The following SLIT3 variants were observed in gnomAD, a reference collection of about 807,000 sequenced individuals.
SLIT3 encodes the protein slit guidance ligand 3.
In SLIT3, 68 loss-of-function variants were observed where a neutral mutation model predicts 184.0. The observed-to-expected ratio is 0.37, with a 90% CI of 0.30 to 0.45. The LOEUF is 0.45. SLIT3 is among the 20% of genes least tolerant of loss of function. The probability of loss-of-function intolerance (pLI) is 1.00; values close to 1 mark genes in which losing one functional copy is unlikely to be tolerated. For synonymous variants in SLIT3, 831 were observed against 828.6 expected (o/e 1.00, Z -0.05); for missense variants, 1,707 against 2,026.0 (o/e 0.84, Z 3.02).
intron 4 of SLIT3, among the ~76,000 whole-genome samples, chr5:169,134,767 T>G (rs769494195): frequency 3.9e-5 from 6 of 152,194 alleles, no homozygotes; most frequent in Non-Finnish European, 8.8e-5. Flanking sequence ...ATAAAAAAAG[T>G]AGGCCCTGAC....
chr5:169,182,076 G>A (rs919295482), intron 4 of SLIT3, among the ~76,000 whole-genome samples: 4 of 152,166 alleles, frequency 2.6e-5, no homozygotes, highest in Admixed American at 6.5e-5. Context: ...TTGGCCAACC[G>A]TGGGGAGAGT....
intron 4 of SLIT3, among the ~76,000 whole-genome samples, chr5:168,969,908 G>A (rs1214255291): frequency 2.6e-5 from 4 of 152,216 alleles, no homozygotes; most frequent in African/African-American, 7.2e-5. Context: ...AAGGCTGGGC[G>A]CAGTGGCTCC....
At chr5:168,793,602 A>G (rs114528881) in intron 10 of SLIT3, among the ~76,000 whole-genome samples, 1 of 152,246 alleles carries the variant, frequency 6.6e-6, no homozygotes, top group Admixed American at 6.5e-5. Flanking sequence ...TTTTGAATGC[A>G]CAGATCATGG....
At chr5:168,976,910 CACATTTCCCATAAGGGCGAAGCCA>C (rs1420800887) in intron 4 of SLIT3, among the ~76,000 whole-genome samples, 2 of 152,218 alleles carry the variant, frequency 1.3e-5, no homozygotes, top group African/African-American at 2.4e-5. Context: ...TTTCCCTTCT[CACATTTCCCATAAGGGCGAAGCCA>C]ACACACACCA....
chr5:169,190,425 G>A (rs1362673128), intron 4 of SLIT3, among the ~76,000 whole-genome samples: 3 of 152,202 alleles, frequency 2.0e-5, no homozygotes, highest in Non-Finnish European at 2.9e-5. Context: ...GCTCTTCTCA[G>A]TTATGTGAAT....
chr5:169,289,433 G>C (rs1000177644), intron 1 of SLIT3, among the ~76,000 whole-genome samples: 1 of 152,238 alleles, frequency 6.6e-6, no homozygotes, highest in Non-Finnish European at 1.5e-5. Context: ...AAAATGATCT[G>C]TCCTATTTGG....
At chr5:169,216,871 T>C (rs76380412) in intron 3 of SLIT3, among the ~76,000 whole-genome samples, 4,997 of 152,212 alleles carry the variant, frequency 0.033, 306 homozygotes, top group African/African-American at 0.11. Context: ...TATGAGCCGA[T>C]AGGTATTGCT....
At chr5:168,963,956 C>G (rs1763100405) in intron 4 of SLIT3, among the ~76,000 whole-genome samples, 1 of 152,146 alleles carries the variant, frequency 6.6e-6, no homozygotes, top group Admixed American at 6.5e-5. Context: ...TTTAAAAGAC[C>G]TACTGAGCAA....
intron 4 of SLIT3, among the ~76,000 whole-genome samples, chr5:168,974,921 G>A (rs1458265513): frequency 6.6e-6 from 1 of 152,190 alleles, no homozygotes; most frequent in African/African-American, 2.4e-5. Flanking sequence ...ACTGCAAGTG[G>A]TCCTTCTAGA....
intron 21 of SLIT3, among the ~76,000 whole-genome samples, chr5:168,724,083 G>T (rs1033239528): frequency 1.3e-5 from 2 of 152,142 alleles, no homozygotes; most frequent in Non-Finnish European, 2.9e-5. Context: ...TCCCAACAAC[G>T]AATAATTAAC....
At chr5:169,065,864 T>C (rs1209501566) in intron 4 of SLIT3, among the ~76,000 whole-genome samples, 1 of 152,212 alleles carries the variant, frequency 6.6e-6, no homozygotes, top group Non-Finnish European at 1.5e-5. Context: ...GTAACACGTT[T>C]GAGTAGAAAA....
At chr5:169,044,422 A>G (rs535457239) in intron 4 of SLIT3, among the ~76,000 whole-genome samples, 1 of 152,356 alleles carries the variant, frequency 6.6e-6, no homozygotes, top group African/African-American at 2.4e-5. Flanking sequence ...GAAATGAAGT[A>G]TCGATACATG....
At chr5:169,164,895 A>G (rs1762585833) in intron 4 of SLIT3, among the ~76,000 whole-genome samples, 1 of 152,238 alleles carries the variant, frequency 6.6e-6, no homozygotes, top group African/African-American at 2.4e-5. Context: ...TCACTGCGTG[A>G]GCCACAGAAG....
At chr5:169,005,693 G>A (rs1400967123) in intron 4 of SLIT3, among the ~76,000 whole-genome samples, 2 of 152,092 alleles carry the variant, frequency 1.3e-5, no homozygotes, top group African/African-American at 2.4e-5. Flanking sequence ...TCATTCATTC[G>A]ACAAATATTT....
At chr5:169,230,996 C>A (rs1174110830) in intron 3 of SLIT3, among the ~76,000 whole-genome samples, 1 of 151,974 alleles carries the variant, frequency 6.6e-6, no homozygotes, top group Non-Finnish European at 1.5e-5. Context: ...TTTACTGAAC[C>A]ATTTTAAAGT....
At chr5:169,266,186 G>C (rs1766391093) in intron 1 of SLIT3, among the ~76,000 whole-genome samples, 1 of 152,132 alleles carries the variant, frequency 6.6e-6, no homozygotes, top group Admixed American at 6.5e-5. Flanking sequence ...CTGCATAGGA[G>C]AGCACATGAT....
intron 4 of SLIT3, among the ~76,000 whole-genome samples, chr5:168,994,900 C>A (rs62378625): frequency 0.035 from 5,352 of 152,064 alleles, 118 homozygotes; most frequent in Middle Eastern, 0.051. Flanking sequence ...CCTTGGCCTC[C>A]CAAAGTGCTG....
intron 8 of SLIT3, among the ~76,000 whole-genome samples, chr5:168,809,727 C>T (rs1757103576): frequency 6.6e-6 from 1 of 152,210 alleles, no homozygotes; most frequent in Non-Finnish European, 1.5e-5. Flanking sequence ...GACCCATAAG[C>T]ATACCTTGGC....
intron 4 of SLIT3, among the ~76,000 whole-genome samples, chr5:169,082,900 AC>A (rs1759129217): frequency 6.6e-6 from 1 of 152,228 alleles, no homozygotes; most frequent in Non-Finnish European, 1.5e-5. Flanking sequence ...TCACACATTG[AC>A]AAATGTCTTC....
Sources: gnomAD v4.1 joint callset for allele counts (sites outside exome capture counted in the v4.1 genomes callset) on GRCh38, gnomAD v4.1.1 for gene constraint, MANE v1.5 for transcripts, NCBI Gene and HGNC (gene_info 2026-07-23, HGNC 2026-07-21) for gene names.